The following N4BP1 variants were observed in gnomAD, a reference collection of about 807,000 sequenced individuals.
N4BP1 encodes the protein NEDD4-binding protein 1.
N4BP1 carries 21 observed loss-of-function variants against 70.9 expected under a neutral mutation model. The ratio of observed to expected loss-of-function variants is 0.30; its 90% CI spans 0.21 to 0.43. The LOEUF is 0.43. Among genes scored for constraint, N4BP1 ranks in the 20% least tolerant of loss-of-function variants. The probability of loss-of-function intolerance (pLI) is 1.00; values close to 1 mark genes in which losing one functional copy is unlikely to be tolerated. For synonymous variants in N4BP1, 387 were observed against 394.6 expected, an observed-to-expected ratio of 0.98 and a Z score of 0.23; for missense variants, 936 against 1,069.4, an observed-to-expected ratio of 0.88 and a Z score of 1.74.
intron 1 of N4BP1, among the ~76,000 whole-genome samples, chr16:48,574,182 C>T (rs1046451523): frequency 3.3e-5 from 5 of 152,184 alleles, no homozygotes; most frequent in Non-Finnish European, 4.4e-5. Flanking sequence ...TCTTTTAGTA[C>T]TACTTGATTT....
intron 1 of N4BP1, among the ~76,000 whole-genome samples, chr16:48,592,660 T>C (rs1419399810): frequency 6.6e-6 from 1 of 152,272 alleles, no homozygotes; most frequent in Non-Finnish European, 1.5e-5. Context: ...TTCATATAAC[T>C]TTCGTAATCT....
intron 1 of N4BP1, chr16:48,600,248 C>A: frequency 1.1e-6 from 1 of 920,290 alleles, no homozygotes; most frequent in South Asian, 1.3e-5. Flanking sequence ...GAAAGGTGTT[C>A]AGATTTTGTA....
chr16:48,565,615 G>A (rs190972495), intron 1 of N4BP1, among the ~76,000 whole-genome samples: 20 of 152,256 alleles, frequency 1.3e-4, no homozygotes, highest in Admixed American at 4.6e-4. Flanking sequence ...TTTTGTCTGC[G>A]TTTACCATCA....
chr16:48,609,839 T>C lies in N4BP1; in HGVS notation c.134A>G (p.Glu45Gly). 2.0e-6 allele frequency: 3 copies of C among 1,487,652 alleles called. No individual in the cohort carries two copies. Among genetic ancestry groups the C allele is most frequent in the Non-Finnish European group, 2.7e-6 (3 of 1,123,628 alleles). The allele number at this position is 1,487,652 out of a possible 1,614,324, so 92.2% of individuals were successfully genotyped here. ...LAVLGALGAE[E>G]PLPARIWLQL... The stretch of plus-strand genomic sequence containing the variant: ...CAGCCAGATGCGCGCGGGCAGCGGC[T>C]CCTCAGCCCCTAGCGCGCCGAGCAC... Residue 45 changes from glutamate to glycine, a missense_variant, in exon 1 of 7, where the codon GAG becomes GGG. Coordinates refer to ENST00000262384, the MANE Select transcript of N4BP1 (RefSeq NM_153029.4).
At chr16:48,546,321 C>T in intron 5 of N4BP1, 67 bp from the exon 6 acceptor site, 7 of 1,085,778 alleles carry the variant, frequency 6.4e-6, no homozygotes, top group Non-Finnish European at 9.2e-6. Context: ...CGTAAGGATC[C>T]CAAAGCAGCC....
intron 1 of N4BP1, among the ~76,000 whole-genome samples, chr16:48,574,828 G>A (rs1964068905): frequency 6.6e-6 from 1 of 152,176 alleles, no homozygotes; most frequent in South Asian, 2.1e-4. Context: ...ACAAAATTAA[G>A]TAAGAGTCAG....
At position 48,561,311 on chromosome 16, in the gene N4BP1, C is replaced by T; in HGVS notation, c.1332G>A (p.Gln444=). The change falls in exon 2 of 7, where the codon CAG becomes CAA. Residue 444 remains glutamine (Q), a synonymous_variant. Transcript: ENST00000262384. The stretch of plus-strand genomic sequence containing the variant: ...GTTTAGCTTCCACTTTGAATGGTAA[C>T]TGAGAAAATTTTTCTACCATATTTT... ...TQQNMVEKFS[Q]LPFKVEAKPC... 6.2e-7 allele frequency: 1 copy of T among 1,613,684 alleles called. No individual in the cohort carries two copies. The highest frequency in any genetic ancestry group is 2.2e-5 in the East Asian group (1 of 44,880).
At chr16:48,601,225 C>G (rs1490697755) in intron 1 of N4BP1, among the ~76,000 whole-genome samples, 1 of 152,206 alleles carries the variant, frequency 6.6e-6, no homozygotes, top group East Asian at 1.9e-4. Flanking sequence ...GGAATTAGAA[C>G]TGAATAATCT....
chr16:48,609,048 C>CA (rs746386089), intron 1 of N4BP1, among the ~76,000 whole-genome samples: 1,254 of 121,764 alleles, frequency 0.01, 11 homozygotes, highest in Middle Eastern at 0.013. Context: ...AATCCCCTAC[C>CA]AAAAAAAAAA....
intron 6 of N4BP1, among the ~76,000 whole-genome samples, chr16:48,543,972 C>T (rs146052951): frequency 2.6e-5 from 4 of 152,288 alleles, no homozygotes; most frequent in Non-Finnish European, 4.4e-5. Context: ...GGACAGACCC[C>T]GTGCCAGGTT....
At chr16:48,546,356 G>A (rs1247762623) in intron 5 of N4BP1, 102 bp from the exon 6 acceptor site, 2 of 711,112 alleles carry the variant, frequency 2.8e-6, no homozygotes, top group East Asian at 5.7e-5. Context: ...CAACGGTCAG[G>A]TCAGCCTACA....
Position 48,561,296 on chromosome 16 carries a change from C to T in N4BP1, c.1347G>A (p.Val449=). The T allele has an allele frequency of 6.2e-7, 1 of 1,613,796 alleles. No homozygotes were observed. The highest frequency in any genetic ancestry group is 1.1e-5 in the South Asian group (1 of 91,080). Residue 449 remains valine (V), a synonymous_variant, in exon 2 of 7, where the codon GTG becomes GTA. Transcript: ENST00000262384. ...VEKFSQLPFK[V]EAKPCTSNCR... ...AATTTGAGGTACATGGTTTAGCTTC[C>T]ACTTTGAATGGTAACTGAGAAAATT...
chr16:48,559,450 A>G (rs1251276613), intron 2 of N4BP1, among the ~76,000 whole-genome samples: 1 of 152,206 alleles, frequency 6.6e-6, no homozygotes, highest in Non-Finnish European at 1.5e-5. Context: ...CAGACCTTGA[A>G]TATTTCTTCA....
At chr16:48,554,103 A>G (rs1363743505) in intron 2 of N4BP1, among the ~76,000 whole-genome samples, 5 of 152,150 alleles carry the variant, frequency 3.3e-5, no homozygotes, top group African/African-American at 9.7e-5. Flanking sequence ...CGTTGAGGGC[A>G]AGACTCAAAT....
intron 1 of N4BP1, among the ~76,000 whole-genome samples, chr16:48,564,878 C>T (rs114151325): frequency 1.3e-5 from 2 of 152,122 alleles, no homozygotes; most frequent in African/African-American, 2.4e-5. Flanking sequence ...AAATCCTGTA[C>T]ATGTTTTGCT....
chr16:48,572,262 G>T (rs934948208), intron 1 of N4BP1, among the ~76,000 whole-genome samples: 1 of 152,082 alleles, frequency 6.6e-6, no homozygotes, highest in Non-Finnish European at 1.5e-5. Context: ...CAACTTTCTT[G>T]GAACGAAAGG....
At chr16:48,590,597 T>C (rs1964321932) in intron 1 of N4BP1, among the ~76,000 whole-genome samples, 1 of 152,202 alleles carries the variant, frequency 6.6e-6, no homozygotes, top group Admixed American at 6.5e-5. Flanking sequence ...TGCCTAGTTC[T>C]CTTGGATTGG....
chr16:48,603,552 TGCTATGGACTTTGGTGACCCCA>T (rs1964534121), intron 1 of N4BP1: 1 of 152,150 alleles, frequency 6.6e-6, no homozygotes, highest in Non-Finnish European at 1.5e-5. Context: ...CCCAGTTTCT[TGCTATGGACTTTGGTGACCCCA>T]GCATAGCACT....
chr16:48,600,774 C>T (rs1818902113), intron 1 of N4BP1: 2 of 284,692 alleles, frequency 7.0e-6, no homozygotes, highest in African/African-American at 2.2e-5. Flanking sequence ...ATCTTTCCTA[C>T]ACTGCCATCT....
Sources: allele counts gnomAD v4.1 joint callset (sites outside exome capture counted in the v4.1 genomes callset), GRCh38; gene constraint gnomAD v4.1.1; transcripts MANE v1.5; gene names NCBI Gene and HGNC (gene_info 2026-07-23, HGNC 2026-07-21).